Variants in PRKN observed in about 807,000 individuals in gnomAD.
The protein encoded by PRKN is E3 ubiquitin-protein ligase parkin.
Under a neutral mutation model 59.5 loss-of-function variants are expected in PRKN, and 56 were observed. The ratio of observed to expected loss-of-function variants is 0.94; its 90% CI spans 0.76 to 1.18. PRKN has a LOEUF of 1.18. Among genes scored for constraint, PRKN ranks in the 50% most tolerant of loss-of-function variants. PRKN has a pLI of 0.00. For synonymous variants in PRKN, 250 were observed against 222.1 expected (o/e 1.13, Z -1.12); for missense variants, 657 against 596.4 (o/e 1.10, Z -1.06).
At position 161,470,670 on chromosome 6, in the gene PRKN, C is replaced by A. The variant is rs936848807; in HGVS notation, c.1083+78184G>T. On this transcript the variant is annotated intron_variant, in intron 9 of 11. Coordinates refer to ENST00000366898, the MANE Select transcript of PRKN (RefSeq NM_004562.3). This position sits in a 1 kb window ranked among gnomAD's most constrained non-coding sequence, Gnocchi z 5.1. ...AGACTATGCCCCAGGCACCTGAGCC[C>A]CAGAATTCCCTGCCCAAATGGCCTG... is the stretch of plus-strand genomic sequence containing the variant. Among the ~76,000 whole-genome samples the A allele has an allele frequency of 4.6e-5, 7 of 152,342 alleles. No homozygotes were observed. The East Asian group carries it at 7.7e-4, about 17-fold the overall frequency.
At chr6:161,857,585 C>T (rs752064642) in intron 6 of PRKN, among the ~76,000 whole-genome samples, 8 of 152,296 alleles carry the variant, frequency 5.3e-5, no homozygotes, top group Non-Finnish European at 1.0e-4. Flanking sequence ...TATGGGTGTG[C>T]CCATATGTCT....
intron 1 of PRKN, among the ~76,000 whole-genome samples, chr6:162,686,751 T>C (rs1777570842): frequency 6.6e-6 from 1 of 152,164 alleles, no homozygotes; most frequent in Non-Finnish European, 1.5e-5. Flanking sequence ...AGGACTAACA[T>C]ATACTCCTGA....
intron 7 of PRKN, among the ~76,000 whole-genome samples, chr6:161,743,802 T>A (rs753890166): frequency 1.4e-4 from 22 of 152,192 alleles, no homozygotes; most frequent in Non-Finnish European, 2.9e-4. Context: ...CTATATTGTA[T>A]ACATTCTGGG....
intron 8 of PRKN, among the ~76,000 whole-genome samples, chr6:161,556,714 C>T (rs1439296496): frequency 6.6e-6 from 1 of 152,084 alleles, no homozygotes; most frequent in Non-Finnish European, 1.5e-5. Context: ...GTTCCAAGGG[C>T]TTTTTTACTT....
In PRKN at chr6:161,518,396, G is replaced by A. The variant is rs1426857083; in HGVS notation, c.1083+30458C>T. ...GGGCCCAGAAACAGCCAGTAGCCAG[G>A]CGTGGTGGTGGGCGCCTGTAGTCCC... On this transcript the variant is annotated intron_variant, in intron 9 of 11. Transcript: ENST00000366898. The surrounding 1 kb of genome is among the most constrained non-coding windows in gnomAD (Gnocchi z 5.0). Among the ~76,000 whole-genome samples, 1 of 152,218 alleles carries A rather than the reference G, an allele frequency of 6.6e-6. No homozygotes were observed. The highest frequency in any genetic ancestry group is 1.5e-5 in the Non-Finnish European group (1 of 68,036).
At position 161,748,920 on chromosome 6, in the gene PRKN, C is replaced by T. The variant is rs117260287; in HGVS notation, c.871+36852G>A. ...TTAAAGGAGAAATTCCCTTGCCTGT[C>T]ATGTGTATTCCACAACGCATGAAAA... On this transcript the variant is annotated intron_variant, in intron 7 of 11. Transcript: ENST00000366898. Among the ~76,000 whole-genome samples the T allele has an allele frequency of 6.9e-3, 1,057 of 152,316 alleles. 7 individuals carry two copies. Among genetic ancestry groups the T allele is most frequent in the Non-Finnish European group, 7.7e-3 (524 of 68,028 alleles).
intron 2 of PRKN, among the ~76,000 whole-genome samples, chr6:162,362,482 G>A (rs184376869): frequency 7.9e-5 from 12 of 152,114 alleles, no homozygotes; most frequent in East Asian, 3.9e-4. Context: ...AATAAGGGCC[G>A]TGTAAAATAA....
chr6:161,890,018 A>C (rs777796580), intron 6 of PRKN, among the ~76,000 whole-genome samples: 9 of 152,202 alleles, frequency 5.9e-5, no homozygotes, highest in South Asian at 2.1e-4. Flanking sequence ...CTGGGGTCTG[A>C]GGCCTCTCAC....
intron 1 of PRKN, among the ~76,000 whole-genome samples, chr6:162,548,769 C>G (rs528567688): frequency 6.6e-6 from 1 of 152,218 alleles, no homozygotes; most frequent in Admixed American, 6.5e-5. Flanking sequence ...TTCAAAAAGA[C>G]CAAGAGCTAT....
chr6:162,617,248 T>C (rs1782461770), intron 1 of PRKN, among the ~76,000 whole-genome samples: 1 of 152,186 alleles, frequency 6.6e-6, no homozygotes, highest in South Asian at 2.1e-4. Flanking sequence ...ATATTATTTT[T>C]TGAGACGGAG....
chr6:162,418,403 G>A (rs952949963), intron 2 of PRKN, among the ~76,000 whole-genome samples: 2 of 152,096 alleles, frequency 1.3e-5, no homozygotes, highest in African/African-American at 4.8e-5. Context: ...AAAGTGTTCT[G>A]AAATTGATTG....
intron 1 of PRKN, among the ~76,000 whole-genome samples, chr6:162,478,436 C>T (rs1176891458): frequency 6.6e-6 from 1 of 152,142 alleles, no homozygotes; most frequent in Non-Finnish European, 1.5e-5. Flanking sequence ...AAACCCTTCA[C>T]AAAACATCTA....
intron 7 of PRKN, among the ~76,000 whole-genome samples, chr6:161,621,893 A>G (rs546167992): frequency 9.8e-5 from 15 of 152,304 alleles, no homozygotes; most frequent in African/African-American, 3.1e-4. Context: ...AAATTCACAC[A>G]TCACATTCCA....
At chr6:162,087,983 T>G (rs1197434023) in intron 4 of PRKN, among the ~76,000 whole-genome samples, 1 of 152,132 alleles carries the variant, frequency 6.6e-6, no homozygotes, top group African/African-American at 2.4e-5. Flanking sequence ...CTCCTCTGGC[T>G]TGAGAGAGAG....
At chr6:162,555,719 G>C (rs1004444584) in intron 1 of PRKN, among the ~76,000 whole-genome samples, 1 of 152,056 alleles carries the variant, frequency 6.6e-6, no homozygotes, top group East Asian at 1.9e-4. Flanking sequence ...ATTCAAGGCC[G>C]GTGGCTCACG....
rs779687692 is a variant in PRKN, at chr6:161,417,986, C to T, written c.1084-31109G>A. Among the ~76,000 whole-genome samples, 9 of 152,170 alleles carry T rather than the reference C, an allele frequency of 5.9e-5. No homozygotes were observed. The highest frequency in any genetic ancestry group is 5.9e-5 in the Non-Finnish European group (4 of 68,038). On this transcript the variant is annotated intron_variant, in intron 9 of 11. Coordinates refer to ENST00000366898, the MANE Select transcript of PRKN (RefSeq NM_004562.3). This position sits in a 1 kb window ranked among gnomAD's most constrained non-coding sequence, Gnocchi z 5.4. ...CCCACGCTCCCTCCTGGGCCTGGCC[C>T]CCAGGCCTGGCTGACTCCATGGGGG...
At chr6:161,424,167 T>C (rs1266175039) in intron 9 of PRKN, among the ~76,000 whole-genome samples, 1 of 151,910 alleles carries the variant, frequency 6.6e-6, no homozygotes, top group South Asian at 2.1e-4. Flanking sequence ...CAAAACCGTG[T>C]CTCTACTAAA....
chr6:161,739,911 C>T (rs866836057), intron 7 of PRKN, among the ~76,000 whole-genome samples: 44 of 152,084 alleles, frequency 2.9e-4, no homozygotes, highest in African/African-American at 8.9e-4. Context: ...CACACCACCA[C>T]GCCCAGCTAG....
At chr6:162,474,355 G>T (rs964530573) in intron 1 of PRKN, among the ~76,000 whole-genome samples, 1 of 152,094 alleles carries the variant, frequency 6.6e-6, no homozygotes, top group East Asian at 1.9e-4. Context: ...CATGTTGAAT[G>T]ACTAAATTGT....
Sources: allele counts gnomAD v4.1 joint callset (sites outside exome capture counted in the v4.1 genomes callset), GRCh38; gene constraint gnomAD v4.1.1; non-coding constraint Gnocchi (gnomAD v3.1); transcripts MANE v1.5; gene names NCBI Gene and HGNC (gene_info 2026-07-23, HGNC 2026-07-21).